RSU1: variants seen among roughly 807,000 people sequenced by gnomAD.
The protein encoded by RSU1 is rsu-1.
In RSU1, 26 loss-of-function variants were observed where a neutral mutation model predicts 31.1. The ratio of observed to expected loss-of-function variants is 0.84; its 90% confidence interval spans 0.61 to 1.16. The LOEUF (loss-of-function observed/expected upper bound fraction) is 1.16, where lower values mean the gene tolerates loss of function less well. Ranked by LOEUF, RSU1 falls within the 50% of genes most tolerant of loss-of-function variation. The probability of loss-of-function intolerance (pLI) is 0.00; values close to 1 mark genes in which losing one functional copy is unlikely to be tolerated. For synonymous variants in RSU1, 164 were observed against 136.3 expected (o/e 1.20, Z -1.41); for missense variants, 320 against 339.1 (o/e 0.94, Z 0.44).
At chr10:16,640,412 G>C (rs564619804) in intron 8 of RSU1, among the ~76,000 whole-genome samples, 1 of 152,054 alleles carries the variant, frequency 6.6e-6, no homozygotes, top group Admixed American at 6.6e-5. Flanking sequence ...CCTAGCAACC[G>C]GCCTCTCCAC....
rs577571687 is a variant in RSU1 at position 16,698,450 on chromosome 10, A to C, written c.599-3295T>G. On this transcript the variant is annotated intron_variant, in intron 7 of 8. Coordinates refer to ENST00000345264, the MANE Select transcript of RSU1 (RefSeq NM_012425.4). ...CACAGCCTCTTGTTAACTTATTAAC[A>C]GCATCTTACTAAGTGTGCAGTCTTT... Among the ~76,000 whole-genome samples, 3 of 152,218 alleles carry C rather than the reference A, an allele frequency of 2.0e-5. 1 individual carries two copies. Among genetic ancestry groups the C allele is most frequent in the Admixed American group, 2.0e-4 (3 of 15,288 alleles).
chr10:16,664,627 A>T (rs754060665), intron 8 of RSU1, among the ~76,000 whole-genome samples: 2 of 152,174 alleles, frequency 1.3e-5, no homozygotes, highest in African/African-American at 2.4e-5. Flanking sequence ...CACTTGACCT[A>T]TGGGAACTAC....
intron 7 of RSU1, among the ~76,000 whole-genome samples, chr10:16,699,545 C>CA (rs1187002721): frequency 6.6e-6 from 1 of 152,218 alleles, no homozygotes; most frequent in Non-Finnish European, 1.5e-5. Context: ...AGTCAGCCTG[C>CA]AATCGCTCTG....
intron 7 of RSU1, among the ~76,000 whole-genome samples, chr10:16,705,343 T>A (rs960612623): frequency 1.3e-5 from 2 of 152,226 alleles, no homozygotes; most frequent in African/African-American, 4.8e-5. Context: ...AATTTTCATA[T>A]AACCTATACA....
chr10:16,631,071 C>A (rs1348782535), intron 8 of RSU1, among the ~76,000 whole-genome samples: 1 of 152,188 alleles, frequency 6.6e-6, no homozygotes, highest in Non-Finnish European at 1.5e-5. Context: ...TTCTCAGCAA[C>A]AACAAACATC....
chr10:16,817,235 G>C, intron 1 of RSU1, 80 bp downstream of exon 1: 1 of 583,368 alleles, frequency 1.7e-6, no homozygotes, highest in Non-Finnish European at 3.0e-6. Context: ...GTGCGGGGAG[G>C]GGATGGAGTG....
intron 2 of RSU1, among the ~76,000 whole-genome samples, chr10:16,787,726 C>T (rs1012634083): frequency 3.9e-5 from 6 of 152,216 alleles, no homozygotes; most frequent in African/African-American, 7.2e-5. Context: ...TCCCTTTGCT[C>T]TTCCTTCATC....
chr10:16,672,319 G>C (rs1835123590), intron 8 of RSU1, among the ~76,000 whole-genome samples: 2 of 151,318 alleles, frequency 1.3e-5, no homozygotes, highest in Non-Finnish European at 3.0e-5. Flanking sequence ...CAAAAAAAAA[G>C]GTAAATCCAT....
At chr10:16,713,980 A>G (rs186609317) in intron 7 of RSU1, among the ~76,000 whole-genome samples, 3 of 152,244 alleles carry the variant, frequency 2.0e-5, no homozygotes, top group East Asian at 1.9e-4. Context: ...AATTGCCTCA[A>G]TGGCCTATGC....
intron 7 of RSU1, among the ~76,000 whole-genome samples, chr10:16,741,653 G>C (rs917413737): frequency 5.3e-5 from 8 of 152,068 alleles, no homozygotes; most frequent in African/African-American, 1.4e-4. Flanking sequence ...GTGCCAGATG[G>C]GCCTTAAATA....
chr10:16,782,137 C>G, intron 2 of RSU1, 53 bp from the exon 3 acceptor site: 4 of 1,419,922 alleles, frequency 2.8e-6, no homozygotes, highest in African/African-American at 2.8e-5. Flanking sequence ...TCACTGTATC[C>G]GGATTCTACC....
intron 7 of RSU1, among the ~76,000 whole-genome samples, chr10:16,726,752 G>A (rs78513382): frequency 0.015 from 2,280 of 151,876 alleles, 58 homozygotes; most frequent in African/African-American, 0.052. Context: ...AAAATGGCCC[G>A]GCTGCCTTCT....
At chr10:16,723,685 A>G (rs1233666254) in intron 7 of RSU1, among the ~76,000 whole-genome samples, 1 of 152,154 alleles carries the variant, frequency 6.6e-6, no homozygotes, top group Non-Finnish European at 1.5e-5. Flanking sequence ...GAAGCTTCAG[A>G]TGGCTTGGCA....
chr10:16,775,270 T>A (rs1837504283), intron 3 of RSU1, among the ~76,000 whole-genome samples: 2 of 152,142 alleles, frequency 1.3e-5, no homozygotes, highest in Admixed American at 1.3e-4. Context: ...TAGAAACCTT[T>A]TTCAGGATCA....
intron 2 of RSU1, among the ~76,000 whole-genome samples, chr10:16,785,263 C>G (rs982399797): frequency 3.3e-5 from 5 of 151,910 alleles, no homozygotes; most frequent in African/African-American, 7.3e-5. Context: ...TCGCTGCCCT[C>G]GAATGTTGGA....
intron 4 of RSU1, among the ~76,000 whole-genome samples, chr10:16,760,106 C>A (rs185764178): frequency 1.2e-3 from 186 of 152,178 alleles, no homozygotes; most frequent in Non-Finnish European, 4.7e-4. Context: ...GTCTATGTAG[C>A]TATGTAATTA....
At chr10:16,695,290 A>C (rs3740172) in intron 7 of RSU1, 135 bp from the exon 8 acceptor site, 308,795 of 783,992 alleles carry the variant, frequency 0.39, 62,339 homozygotes, top group African/African-American at 0.48. Flanking sequence ...GATGTCTTTT[A>C]AATTTCTTAA....
intron 8 of RSU1, among the ~76,000 whole-genome samples, chr10:16,638,308 G>A (rs1834381315): frequency 6.6e-6 from 1 of 151,714 alleles, no homozygotes; most frequent in African/African-American, 2.4e-5. Flanking sequence ...TTTTTTTCGC[G>A]CGCATGTGTG....
chr10:16,775,706 C>T (rs935103580), intron 3 of RSU1, among the ~76,000 whole-genome samples: 1 of 152,166 alleles, frequency 6.6e-6, no homozygotes, highest in Non-Finnish European at 1.5e-5. Context: ...TGCCCAACTG[C>T]CAGTGCTTTT....
Sources: allele counts gnomAD v4.1 joint callset (sites outside exome capture counted in the v4.1 genomes callset), GRCh38; gene constraint gnomAD v4.1.1; transcripts MANE v1.5; gene names NCBI Gene and HGNC (gene_info 2026-07-23, HGNC 2026-07-21).